Variants in TMPRSS11F observed in about 807,000 individuals in gnomAD.
TMPRSS11F encodes the protein transmembrane serine protease 11F, also known as transmembrane protease serine 11F.
In TMPRSS11F, 47 loss-of-function variants were observed where a neutral mutation model predicts 60.2. The ratio of observed to expected loss-of-function variants is 0.78; its 90% confidence interval spans 0.62 to 1.00. The LOEUF is 1.00. Ranked by LOEUF, TMPRSS11F falls within the 50% of genes least tolerant of loss-of-function variation. The probability of loss-of-function intolerance (pLI) is 0.00; values close to 1 mark genes in which losing one functional copy is unlikely to be tolerated. For synonymous variants in TMPRSS11F, 166 were observed against 167.3 expected, an observed-to-expected ratio of 0.99 and a Z score of 0.06; for missense variants, 519 against 522.9, an observed-to-expected ratio of 0.99 and a Z score of 0.07.
At chr4:68,071,814 G>T (rs1291797266) in intron 5 of TMPRSS11F, among the ~76,000 whole-genome samples, 1 of 152,126 alleles carries the variant, frequency 6.6e-6, no homozygotes, top group Non-Finnish European at 1.5e-5. Context: ...ACAAGCTAGA[G>T]AACCTCTTTA....
intron 1 of TMPRSS11F, among the ~76,000 whole-genome samples, chr4:68,124,641 G>A (rs1724681216): frequency 6.6e-6 from 1 of 152,110 alleles, no homozygotes; most frequent in African/African-American, 2.4e-5. Flanking sequence ...AGGTTTATTT[G>A]CCTAATTATA....
intron 1 of TMPRSS11F, among the ~76,000 whole-genome samples, chr4:68,101,308 G>A (rs777081537): frequency 6.6e-6 from 1 of 152,124 alleles, no homozygotes; most frequent in Non-Finnish European, 1.5e-5. Flanking sequence ...GGTACAGTAT[G>A]CAGACACCAG....
chr4:68,124,891 A>T (rs1342861289), intron 1 of TMPRSS11F, among the ~76,000 whole-genome samples: 2 of 144,930 alleles, frequency 1.4e-5, no homozygotes, highest in African/African-American at 2.5e-5. Context: ...ATCTTATCTT[A>T]CCTGTTGGAA....
intron 3 of TMPRSS11F, among the ~76,000 whole-genome samples, chr4:68,088,606 C>A (rs1368758238): frequency 6.6e-6 from 1 of 152,106 alleles, no homozygotes; most frequent in Non-Finnish European, 1.5e-5. Context: ...TTCAGCACCA[C>A]ACCACACCTA....
At chr4:68,123,948 C>T (rs999188180) in intron 1 of TMPRSS11F, among the ~76,000 whole-genome samples, 1 of 152,096 alleles carries the variant, frequency 6.6e-6, no homozygotes, top group African/African-American at 2.4e-5. Flanking sequence ...AGGTCGGGCA[C>T]GGTGGCTCAT....
At chr4:68,109,227 T>A (rs779163457) in intron 1 of TMPRSS11F, among the ~76,000 whole-genome samples, 2 of 152,074 alleles carry the variant, frequency 1.3e-5, no homozygotes, top group Non-Finnish European at 1.5e-5. Flanking sequence ...TGCTGGGTAT[T>A]CTCTAGTGAA....
chr4:68,120,557 T>G (rs1316160988), intron 1 of TMPRSS11F, among the ~76,000 whole-genome samples: 1 of 151,112 alleles, frequency 6.6e-6, no homozygotes, highest in Non-Finnish European at 1.5e-5. Flanking sequence ...CCCGGCTAAT[T>G]TTTTGTATTT....
intron 1 of TMPRSS11F, among the ~76,000 whole-genome samples, chr4:68,122,384 A>G (rs572955967): frequency 6.6e-6 from 1 of 152,278 alleles, no homozygotes; most frequent in Non-Finnish European, 1.5e-5. Context: ...CTGGCTACAG[A>G]TAAAATTCTG....
At position 68,091,283 on chromosome 4, in the gene TMPRSS11F, C is replaced by T. The variant is rs137910815; in HGVS notation, c.164-642G>A. Among the ~76,000 whole-genome samples, 7 of 152,196 alleles carry T rather than the reference C, an allele frequency of 4.6e-5. No homozygotes were observed. In the East Asian group the frequency reaches 1.4e-3, roughly 29 times the overall value. On this transcript the variant is annotated intron_variant, in intron 2 of 9. Coordinates refer to ENST00000356291, the MANE Select transcript of TMPRSS11F (RefSeq NM_207407.2). ...CCTATCTTTGGTTTTATGAAGCCAT[C>T]TTCTAGTTTTCTTCCACCTCCCTGG...
At chr4:68,112,943 C>T (rs978301561) in intron 1 of TMPRSS11F, among the ~76,000 whole-genome samples, 3 of 152,064 alleles carry the variant, frequency 2.0e-5, no homozygotes, top group Non-Finnish European at 4.4e-5. Context: ...ACAAAATTTG[C>T]TCCATAGAAA....
intron 1 of TMPRSS11F, among the ~76,000 whole-genome samples, chr4:68,122,865 T>C (rs371094929): frequency 1.3e-5 from 2 of 152,248 alleles, no homozygotes; most frequent in East Asian, 1.9e-4. Context: ...AATGTTAGAA[T>C]GACGCTTTAG....
At chr4:68,122,088 TATA>T in intron 1 of TMPRSS11F, among the ~76,000 whole-genome samples, 1 of 152,210 alleles carries the variant, frequency 6.6e-6, no homozygotes, top group East Asian at 1.9e-4. Context: ...AATTAATTGT[TATA>T]ATAAAATCAC....
chr4:68,124,825 AGTT>A (rs1268734381), intron 1 of TMPRSS11F, among the ~76,000 whole-genome samples: 1 of 151,288 alleles, frequency 6.6e-6, no homozygotes, highest in Non-Finnish European at 1.5e-5. Context: ...TTTCGCACTG[AGTT>A]GTTTTGTTTT....
In TMPRSS11F at chr4:68,086,412, A is replaced by G. The variant is rs77519417; in HGVS notation, c.282+4111T>C. On this transcript the variant is annotated intron_variant, in intron 3 of 9. Transcript: ENST00000356291. Reference sequence around the variant, plus strand: ...AACGTCTATAGCACTAAACAAATACACCAATAAGTTAGAAAGATCTAAAAT... The same window carrying G: ...AACGTCTATAGCACTAAACAAATACGCCAATAAGTTAGAAAGATCTAAAAT... Among the ~76,000 whole-genome samples the G allele has an allele frequency of 8.6e-3, 1,306 of 152,280 alleles. 23 individuals carry two copies. The highest frequency in any genetic ancestry group is 0.029 in the African/African-American group (1,221 of 41,556).
At chr4:68,060,978 C>T (rs1024992902) in intron 8 of TMPRSS11F, among the ~76,000 whole-genome samples, 20 of 151,640 alleles carry the variant, frequency 1.3e-4, no homozygotes, top group Non-Finnish European at 2.8e-4. Flanking sequence ...TTTTTAGTAA[C>T]TGGTAAATAG....
At chr4:68,107,323 T>C (rs1273304694) in intron 1 of TMPRSS11F, among the ~76,000 whole-genome samples, 2 of 152,082 alleles carry the variant, frequency 1.3e-5, no homozygotes, top group Non-Finnish European at 2.9e-5. Flanking sequence ...GTTTGTGCAA[T>C]AAACAAATCT....
At chr4:68,065,000 A>C in intron 7 of TMPRSS11F, 56 bp from the exon 8 acceptor site, 1 of 1,510,474 alleles carries the variant, frequency 6.6e-7, no homozygotes, top group South Asian at 1.3e-5. Flanking sequence ...TGTAAAAAAG[A>C]CTGAGACTGT....
chr4:68,102,795 G>A (rs942803636), intron 1 of TMPRSS11F, among the ~76,000 whole-genome samples: 1 of 151,854 alleles, frequency 6.6e-6, no homozygotes, highest in Non-Finnish European at 1.5e-5. Flanking sequence ...TGTTTCTTTT[G>A]CTGTGTAGAA....
At chr4:68,067,108 G>A (rs1423873328) in intron 7 of TMPRSS11F, among the ~76,000 whole-genome samples, 1 of 151,680 alleles carries the variant, frequency 6.6e-6, no homozygotes, top group East Asian at 1.9e-4. Context: ...AACTCTTTTG[G>A]ATTATTATTA....
Sources: gnomAD v4.1 joint callset for allele counts (sites outside exome capture counted in the v4.1 genomes callset) on GRCh38, gnomAD v4.1.1 for gene constraint, MANE v1.5 for transcripts, NCBI Gene and HGNC (gene_info 2026-07-23, HGNC 2026-07-21) for gene names.